RFX3: variants seen among roughly 807,000 people sequenced by gnomAD.
RFX3 encodes regulatory factor X3.
Under a neutral mutation model 98.6 loss-of-function variants are expected in RFX3, and 14 were observed. The ratio of observed to expected loss-of-function variants is 0.14; its 90% CI spans 0.09 to 0.22. The LOEUF is 0.22. RFX3 is among the 10% of genes least tolerant of loss of function. RFX3 has a pLI of 1.00. For synonymous variants in RFX3, 383 were observed against 328.4 expected (o/e 1.17, Z -1.80); for missense variants, 639 against 926.9 (o/e 0.69, Z 4.03).
At position 3,317,573 on chromosome 9, in the gene RFX3, T is replaced by A. The variant is rs149626801; in HGVS notation, c.474+12686A>T. Among the ~76,000 whole-genome samples, 416 of 152,028 alleles carry A rather than the reference T, an allele frequency of 2.7e-3. 3 individuals carry two copies. Among genetic ancestry groups the A allele is most frequent in the African/African-American group, 9.2e-3 (383 of 41,436 alleles). On this transcript the variant is annotated intron_variant, in intron 4 of 16. Transcript: ENST00000617270. ...ACAGCAAAAGAAACTACCATCAGAG[T>A]GAACAGACAACCTACAGAATGGGAG...
At chr9:3,247,787 T>C in intron 15 of RFX3, 1 of 1,599,540 alleles carries the variant, frequency 6.3e-7, no homozygotes, top group Non-Finnish European at 8.5e-7. Context: ...TAGGTACCTG[T>C]ATAATATAGA....
At chr9:3,364,175 A>G (rs1349744252) in intron 2 of RFX3, among the ~76,000 whole-genome samples, 1 of 151,960 alleles carries the variant, frequency 6.6e-6, no homozygotes, top group Admixed American at 6.6e-5. Context: ...CACCCAGCCC[A>G]TTTTCAATTC....
intron 1 of RFX3, among the ~76,000 whole-genome samples, chr9:3,433,580 G>GT (rs1446891656): frequency 6.6e-6 from 1 of 152,176 alleles, no homozygotes; most frequent in African/African-American, 2.4e-5. Flanking sequence ...CTGTGCTTGG[G>GT]TGGGGGTGTT....
chr9:3,349,457 T>A (rs894974479), intron 2 of RFX3, among the ~76,000 whole-genome samples: 1 of 152,104 alleles, frequency 6.6e-6, no homozygotes. Flanking sequence ...TTAATTTTGA[T>A]TTAATTTTGT....
chr9:3,397,044 T>G (rs990047467), intron 1 of RFX3, among the ~76,000 whole-genome samples: 2 of 152,202 alleles, frequency 1.3e-5, no homozygotes, highest in Non-Finnish European at 2.9e-5. Flanking sequence ...TAACATTTAA[T>G]ACAGTTGAAA....
intron 3 of RFX3, among the ~76,000 whole-genome samples, chr9:3,340,312 C>T (rs1389033567): frequency 1.3e-5 from 2 of 152,226 alleles, no homozygotes; most frequent in African/African-American, 4.8e-5. Context: ...AGAAGAAAAC[C>T]TGGGCAATAC....
rs1372916670 is a variant in RFX3, at chr9:3,248,098, CAT to C, written c.1900_1901del (p.Met634ValfsTer25). The C allele has an allele frequency of 6.2e-7, 1 of 1,613,998 alleles. No individual in the cohort carries two copies. Among genetic ancestry groups the C allele is most frequent in the Admixed American group, 1.7e-5 (1 of 60,010 alleles). Reference sequence around the variant, plus strand: ...CAACACGATGTTCTACTAAGTAAAACATATATTCGTCGTAGAGTAGACGGATC... The same window carrying C: ...CAACACGATGTTCTACTAAGTAAAACATATTCGTCGTAGAGTAGACGGATC... The part of the protein sequence containing the change: ...HLIRLLYDEY[M>X]FYLVEHRVAQ... On this transcript the variant is annotated frameshift_variant, in exon 15 of 17. Transcript: ENST00000617270. LOFTEE classifies it high-confidence loss of function.
At chr9:3,332,426 A>G (rs1832700992) in intron 3 of RFX3, among the ~76,000 whole-genome samples, 1 of 152,154 alleles carries the variant, frequency 6.6e-6, no homozygotes, top group South Asian at 2.1e-4. Flanking sequence ...AGATGTCACT[A>G]TCTTATGTTG....
intron 8 of RFX3, 34 bp from the exon 9 acceptor site, chr9:3,275,646 T>G: frequency 2.3e-6 from 3 of 1,318,952 alleles, no homozygotes; most frequent in Non-Finnish European, 3.3e-6. Flanking sequence ...AAAAAAGCTA[T>G]TGTGGATGGT....
chr9:3,504,808 A>G (rs1431404432), intron 1 of RFX3, among the ~76,000 whole-genome samples: 9 of 68,782 alleles, frequency 1.3e-4, no homozygotes, highest in African/African-American at 4.2e-4. Context: ...TATTATATAT[A>G]AAATATATAT....
chr9:3,377,259 C>G (rs563725712), intron 2 of RFX3, among the ~76,000 whole-genome samples: 1 of 152,292 alleles, frequency 6.6e-6, no homozygotes, highest in South Asian at 2.1e-4. Context: ...GAATACCATG[C>G]AGCCATAAAA....
chr9:3,504,940 A>ATCT (rs1564185891), intron 1 of RFX3, among the ~76,000 whole-genome samples: 43 of 72,424 alleles, frequency 5.9e-4, no homozygotes, highest in African/African-American at 2.6e-3. Flanking sequence ...TATATAATAT[A>ATCT]TATAATATAA....
chr9:3,506,168 T>C (rs1587892191), intron 1 of RFX3, among the ~76,000 whole-genome samples: 1 of 151,080 alleles, frequency 6.6e-6, no homozygotes, highest in African/African-American at 2.4e-5. Flanking sequence ...TATACACTAA[T>C]TAAAATGAGG....
chr9:3,247,642 CGG>C (rs1820854489), intron 15 of RFX3: 1 of 1,369,996 alleles, frequency 7.3e-7, no homozygotes, highest in African/African-American at 1.5e-5. Flanking sequence ...TCTTGGAGAC[CGG>C]GAAAGAGTCT....
In RFX3 at chr9:3,289,108, T is replaced by C. The variant is rs1310681313; in HGVS notation, c.732-858A>G. On this transcript the variant is annotated intron_variant, in intron 6 of 16. Transcript: ENST00000617270. ...TATGTAAATTATTGCAAAGAGAAAA[T>C]AGTAGTTTTTCACAAGTCCATATAT... 2.6e-5 allele frequency among the ~76,000 whole-genome samples: 4 copies of C among 151,986 alleles called. No homozygotes were observed. The South Asian group carries it at 6.2e-4, about 24-fold the overall frequency.
chr9:3,301,689 CT>C, intron 4 of RFX3, 69 bp from the exon 5 acceptor site: 1 of 1,110,182 alleles, frequency 9.0e-7, no homozygotes, highest in Non-Finnish European at 1.3e-6. Context: ...CAGAGAATTT[CT>C]GATAGATTCT....
At chr9:3,325,610 T>C (rs1409720258) in intron 4 of RFX3, among the ~76,000 whole-genome samples, 2 of 152,064 alleles carry the variant, frequency 1.3e-5, no homozygotes. Flanking sequence ...AAAAAACTCA[T>C]ACATAACCAT....
Position 3,394,485 on chromosome 9 carries a change from A to T in RFX3, c.117+987T>A, listed in dbSNP as rs147388671. ...TCAAAAAACAAAACAAAACAAACAC[A>T]AGACGATTATCTCAGATGTCTTTAC... On this transcript the variant is annotated intron_variant, in intron 2 of 16. Transcript: ENST00000617270. Among the ~76,000 whole-genome samples, 112 of 152,264 alleles carry T rather than the reference A, an allele frequency of 7.4e-4. 1 individual carries two copies. The highest frequency in any genetic ancestry group is 2.8e-3 in the Admixed American group (43 of 15,288).
intron 15 of RFX3, among the ~76,000 whole-genome samples, chr9:3,236,379 A>C (rs1819151380): frequency 6.6e-6 from 1 of 152,192 alleles, no homozygotes; most frequent in Non-Finnish European, 1.5e-5. Flanking sequence ...TGAGGAAACC[A>C]AAATATACTG....
Sources: allele counts gnomAD v4.1 joint callset (sites outside exome capture counted in the v4.1 genomes callset), GRCh38; gene constraint gnomAD v4.1.1; transcripts MANE v1.5; gene names NCBI Gene and HGNC (gene_info 2026-07-23, HGNC 2026-07-21).